Variants in MYO1D observed in about 807,000 individuals in gnomAD.
MYO1D encodes the protein unconventional myosin-Id.
Under a neutral mutation model 122.0 loss-of-function variants are expected in MYO1D, and 83 were observed. That is an observed-to-expected ratio of 0.68 (90% confidence interval 0.57 to 0.82). The LOEUF (loss-of-function observed/expected upper bound fraction) is 0.82, where lower values mean the gene tolerates loss of function less well. Ranked by LOEUF, MYO1D falls within the 40% of genes least tolerant of loss-of-function variation. MYO1D has a pLI of 0.00. For missense variants in MYO1D, 1,157 were observed against 1,269.5 expected (o/e 0.91, Z 1.35); for synonymous variants, 464 against 446.9 (o/e 1.04, Z -0.48).
Position 32,642,941 on chromosome 17 carries a change from G to C in MYO1D, c.2596-4106C>G, listed in dbSNP as rs190934488. Among the ~76,000 whole-genome samples the C allele has an allele frequency of 2.1e-3, 320 of 152,272 alleles. No individual in the cohort carries two copies. The East Asian group carries it at 0.022, about 11-fold the overall frequency. On this transcript the variant is annotated intron_variant, in intron 19 of 21. Coordinates refer to ENST00000318217, the MANE Select transcript of MYO1D (RefSeq NM_015194.3). ...TTCTTTCTCCTGCCTGATTGCCCTG[G>C]CCAGAACTTCCAACACTGTTGAATA...
At chr17:32,616,043 T>C (rs1442590058) in intron 20 of MYO1D, among the ~76,000 whole-genome samples, 1 of 152,180 alleles carries the variant, frequency 6.6e-6, no homozygotes, top group African/African-American at 2.4e-5. Context: ...CAAACACAGA[T>C]GGTCAGTGAG....
chr17:32,502,231 G>A (rs990609286), intron 21 of MYO1D, among the ~76,000 whole-genome samples: 1 of 152,234 alleles, frequency 6.6e-6, no homozygotes, highest in African/African-American at 2.4e-5. Flanking sequence ...CAACAGAAAG[G>A]AATAAAGTAT....
chr17:32,661,746 A>T (rs2088568739), intron 16 of MYO1D, among the ~76,000 whole-genome samples: 1 of 152,026 alleles, frequency 6.6e-6, no homozygotes, highest in Non-Finnish European at 1.5e-5. Flanking sequence ...CAAGATGGAG[A>T]TTTAGCTCTC....
intron 21 of MYO1D, among the ~76,000 whole-genome samples, chr17:32,550,896 G>A (rs902872477): frequency 1.3e-5 from 2 of 152,026 alleles, no homozygotes; most frequent in Admixed American, 1.3e-4. Context: ...GATCACTTGA[G>A]CCTGGAAGGT....
At chr17:32,813,030 ATC>A (rs2090585333) in intron 1 of MYO1D, among the ~76,000 whole-genome samples, 1 of 152,224 alleles carries the variant, frequency 6.6e-6, no homozygotes, top group Admixed American at 6.5e-5. Flanking sequence ...TGTTAGTTCA[ATC>A]TTCAACAACT....
intron 20 of MYO1D, among the ~76,000 whole-genome samples, chr17:32,608,716 C>A (rs1019490441): frequency 1.3e-5 from 2 of 152,172 alleles, no homozygotes; most frequent in Non-Finnish European, 2.9e-5. Context: ...TACAGCAGCT[C>A]TACTAATAAT....
chr17:32,703,298 G>C (rs1033524593), intron 16 of MYO1D, among the ~76,000 whole-genome samples: 1 of 152,140 alleles, frequency 6.6e-6, no homozygotes, highest in African/African-American at 2.4e-5. Flanking sequence ...TTGTGTTATA[G>C]GTGGGTCAAG....
chr17:32,678,024 T>A (rs1196196300), intron 16 of MYO1D, among the ~76,000 whole-genome samples: 8 of 152,178 alleles, frequency 5.3e-5, no homozygotes, highest in African/African-American at 1.9e-4. Context: ...AAGAAATGGA[T>A]GTGTAATAGC....
chr17:32,726,830 T>C (rs1011795264), intron 14 of MYO1D, among the ~76,000 whole-genome samples: 4 of 151,734 alleles, frequency 2.6e-5, no homozygotes, highest in Non-Finnish European at 4.4e-5. Flanking sequence ...GGTATATAAT[T>C]AAAATACATG....
chr17:32,762,017 G>A (rs368018058), intron 8 of MYO1D, among the ~76,000 whole-genome samples: 2 of 151,934 alleles, frequency 1.3e-5, no homozygotes, highest in South Asian at 2.1e-4. Flanking sequence ...CCCCCACCTC[G>A]CAGATAAACA....
chr17:32,711,377 G>A (rs562733457), intron 16 of MYO1D, among the ~76,000 whole-genome samples: 1 of 152,326 alleles, frequency 6.6e-6, no homozygotes, highest in East Asian at 1.9e-4. Context: ...GCCGGGCGTG[G>A]TGGCTCACGC....
chr17:32,720,918 C>A, intron 15 of MYO1D, 105 bp downstream of exon 15: 2 of 1,182,644 alleles, frequency 1.7e-6, no homozygotes, highest in South Asian at 4.5e-5. Context: ...TTTTGTTCAC[C>A]CAACAAATAT....
intron 21 of MYO1D, among the ~76,000 whole-genome samples, chr17:32,502,368 G>A (rs75233978): frequency 2.4e-4 from 37 of 152,296 alleles, no homozygotes; most frequent in African/African-American, 8.7e-4. Context: ...CAAAGCCACG[G>A]AGGCAGAAAC....
chr17:32,506,748 G>A (rs1597862566), intron 21 of MYO1D, among the ~76,000 whole-genome samples: 2 of 152,236 alleles, frequency 1.3e-5, no homozygotes, highest in East Asian at 1.9e-4. Context: ...CATGATGACA[G>A]TTTAGGTAGG....
At chr17:32,595,449 T>A (rs1004023767) in intron 21 of MYO1D, among the ~76,000 whole-genome samples, 4 of 152,154 alleles carry the variant, frequency 2.6e-5, no homozygotes, top group Non-Finnish European at 4.4e-5. Flanking sequence ...CATAAATATG[T>A]ATAATCATTG....
chr17:32,813,477 T>C (rs2090589116), intron 1 of MYO1D, among the ~76,000 whole-genome samples: 1 of 152,142 alleles, frequency 6.6e-6, no homozygotes, highest in Non-Finnish European at 1.5e-5. Context: ...GTAGGAATTA[T>C]TGAGGCGATG....
chr17:32,771,197 T>C lies in MYO1D; in HGVS notation c.642A>G (p.Gln214=). The C allele has an allele frequency of 6.2e-7, 1 of 1,611,142 alleles. No individual in the cohort carries two copies. The highest frequency in any genetic ancestry group is 8.5e-7 in the Non-Finnish European group (1 of 1,177,600). ...FYQLLQGGSE[Q]MLRSLHLQKS... ...TCTGGAGATGTAGAGAGCGTAGCAT[T>C]TGTTCTGAACCTCCTTGGAGTAGCT... The change falls in exon 6 of 22, where the codon CAA becomes CAG. Residue 214 remains glutamine (Q), a synonymous_variant. Coordinates refer to ENST00000318217, the MANE Select transcript of MYO1D (RefSeq NM_015194.3).
chr17:32,644,544 A>T (rs1429695088), intron 19 of MYO1D, among the ~76,000 whole-genome samples: 2 of 152,056 alleles, frequency 1.3e-5, no homozygotes, highest in Middle Eastern at 3.2e-3. Flanking sequence ...ATTGTGTGGG[A>T]GTCTAAGTCT....
intron 1 of MYO1D, among the ~76,000 whole-genome samples, chr17:32,816,189 G>T (rs1037520647): frequency 3.9e-5 from 6 of 152,142 alleles, no homozygotes; most frequent in Admixed American, 3.9e-4. Flanking sequence ...TTCCTGCCCT[G>T]ATCAAACTTA....
Sources: allele counts gnomAD v4.1 joint callset (sites outside exome capture counted in the v4.1 genomes callset), GRCh38; gene constraint gnomAD v4.1.1; transcripts MANE v1.5; gene names NCBI Gene and HGNC (gene_info 2026-07-23, HGNC 2026-07-21).